Variants in PRR16 observed in about 807,000 individuals in gnomAD.
PRR16 encodes proline rich 16, also known as protein Largen.
Under a neutral mutation model 18.2 loss-of-function variants are expected in PRR16, and 6 were observed. The ratio of observed to expected loss-of-function variants is 0.33; its 90% CI spans 0.18 to 0.65. The LOEUF (loss-of-function observed/expected upper bound fraction) is 0.65, where lower values mean the gene tolerates loss of function less well. PRR16 is among the 30% of genes least tolerant of loss of function. PRR16 has a pLI of 0.74. For synonymous variants in PRR16, 151 were observed against 147.8 expected (o/e 1.02, Z -0.16); for missense variants, 412 against 376.6 (o/e 1.09, Z -0.78).
chr5:120,777,837 G>A, the PRR16 span, among the ~76,000 whole-genome samples: 1 of 152,078 alleles, frequency 6.6e-6, no homozygotes, highest in East Asian at 1.9e-4. Flanking sequence ...AATCATACGT[G>A]CTATATGTTT....
At chr5:120,789,963 G>A in the PRR16 span, 1 of 152,032 alleles carries the variant, frequency 6.6e-6, no homozygotes. Flanking sequence ...GCTCCTTCAG[G>A]TTGGAAGGAA....
At chr5:120,470,899 A>G (rs1292247427) in intron 1 of PRR16, among the ~76,000 whole-genome samples, 1 of 151,930 alleles carries the variant, frequency 6.6e-6, no homozygotes, top group East Asian at 1.9e-4. Context: ...AAGCTCTTTC[A>G]CGTTTCCTAT....
intron 1 of PRR16, among the ~76,000 whole-genome samples, chr5:120,518,815 G>A (rs1200680124): frequency 1.3e-5 from 2 of 152,008 alleles, no homozygotes; most frequent in East Asian, 3.9e-4. Context: ...ACTTCCCCTT[G>A]CCTCTTTTCC....
chr5:120,725,948 C>T, the PRR16 span, among the ~76,000 whole-genome samples: 1 of 152,056 alleles, frequency 6.6e-6, no homozygotes, highest in Admixed American at 6.6e-5. Flanking sequence ...TCCATCCTCT[C>T]TGAGACTCCA....
the PRR16 span, among the ~76,000 whole-genome samples, chr5:120,761,139 A>G: frequency 6.6e-6 from 1 of 152,060 alleles, no homozygotes; most frequent in African/African-American, 2.4e-5. Context: ...TCAAGACTCA[A>G]GGCCCTCCTG....
the PRR16 span, among the ~76,000 whole-genome samples, chr5:120,727,755 GAT>G: frequency 6.6e-5 from 10 of 151,846 alleles, no homozygotes; most frequent in African/African-American, 2.2e-4. Context: ...TTCTAACATA[GAT>G]ATGTTAGATA....
At chr5:120,742,227 T>G in the PRR16 span, among the ~76,000 whole-genome samples, 4 of 151,092 alleles carry the variant, frequency 2.6e-5, no homozygotes, top group East Asian at 7.7e-4. Context: ...TTTGAATTTC[T>G]GTTGTCTGCT....
chr5:120,635,330 C>T (rs1339561517), intron 1 of PRR16, among the ~76,000 whole-genome samples: 2 of 152,038 alleles, frequency 1.3e-5, no homozygotes, highest in South Asian at 2.1e-4. Flanking sequence ...AGGAAAACTA[C>T]TGACTAATAT....
the PRR16 span, among the ~76,000 whole-genome samples, chr5:120,773,331 G>A: frequency 1.3e-5 from 2 of 152,102 alleles, no homozygotes; most frequent in Non-Finnish European, 2.9e-5. Context: ...AAGTCCATAA[G>A]GACTGAGTTT....
chr5:120,725,257 T>C, the PRR16 span, among the ~76,000 whole-genome samples: 1 of 151,578 alleles, frequency 6.6e-6, no homozygotes, highest in African/African-American at 2.4e-5. Context: ...AACTTAAGTC[T>C]CATATTCAGG....
rs1749938336 is a variant in PRR16, at chr5:120,489,380, T to TA, written c.159+24735_159+24736insA. On this transcript the variant is annotated intron_variant, in intron 1 of 1. Transcript: ENST00000407149. ...ATTTAGGATAGTTAGCTCTTCTTGT[T>TA]GAATTGATCCCTTTACCATTATGTA... Among the ~76,000 whole-genome samples, 4 of 152,308 alleles carry TA rather than the reference T, an allele frequency of 2.6e-5. No individual in the cohort carries two copies. The South Asian group carries it at 8.3e-4, about 32-fold the overall frequency.
rs375072102 is a variant in PRR16, at chr5:120,620,715, C to G, written c.160-65239C>G. On this transcript the variant is annotated intron_variant, in intron 1 of 1. Coordinates refer to ENST00000407149, the MANE Select transcript of PRR16 (RefSeq NM_001300783.2). ...CCTCAGCTGCTAAATGTTACAGGGT[C>G]CCAATACTCAGAGCAAGCCTTGTCT... Among the ~76,000 whole-genome samples the G allele has an allele frequency of 2.4e-3, 362 of 152,118 alleles. 15 individuals are homozygous for G. The South Asian group carries it at 0.071, about 30-fold the overall frequency.
intron 1 of PRR16, among the ~76,000 whole-genome samples, chr5:120,653,825 C>A (rs1313242606): frequency 2.0e-5 from 3 of 152,012 alleles, no homozygotes; most frequent in African/African-American, 4.8e-5. Context: ...CCTGCCTGCA[C>A]ACATCAAAAT....
At chr5:120,601,900 T>C (rs959519376) in intron 1 of PRR16, among the ~76,000 whole-genome samples, 5 of 152,032 alleles carry the variant, frequency 3.3e-5, no homozygotes, top group African/African-American at 1.2e-4. Context: ...TTCTGGGTTC[T>C]GTAACCTGGT....
chr5:120,479,080 G>A (rs6881030), intron 1 of PRR16, among the ~76,000 whole-genome samples: 9,705 of 151,760 alleles, frequency 0.064, 692 homozygotes, highest in African/African-American at 0.18. Flanking sequence ...TTCCTCTAGT[G>A]TTCAAAAATA....
the PRR16 span, among the ~76,000 whole-genome samples, chr5:120,770,114 C>T: frequency 6.6e-6 from 1 of 151,736 alleles, no homozygotes; most frequent in African/African-American, 2.4e-5. Flanking sequence ...TCATGTGAAA[C>T]CAGAAAAGAC....
the PRR16 span, among the ~76,000 whole-genome samples, chr5:120,754,568 ATATT>A: frequency 1.7e-5 from 1 of 57,360 alleles, no homozygotes; most frequent in Non-Finnish European, 2.9e-5. Context: ...ATTATATAAT[ATATT>A]TATATTTTAT....
chr5:120,568,151 C>A (rs1257637843), intron 1 of PRR16, among the ~76,000 whole-genome samples: 1 of 152,006 alleles, frequency 6.6e-6, no homozygotes, highest in Non-Finnish European at 1.5e-5. Flanking sequence ...TTTGGAGAAC[C>A]CGGAAAAACG....
chr5:120,671,224 C>T (rs1428303816), intron 1 of PRR16, among the ~76,000 whole-genome samples: 2 of 152,064 alleles, frequency 1.3e-5, no homozygotes, highest in Non-Finnish European at 2.9e-5. Flanking sequence ...TTTTATTGTG[C>T]CTAATGTGTT....
Sources: allele counts gnomAD v4.1 joint callset (sites outside exome capture counted in the v4.1 genomes callset), GRCh38; gene constraint gnomAD v4.1.1; transcripts MANE v1.5; gene names NCBI Gene and HGNC (gene_info 2026-07-23, HGNC 2026-07-21).